VIT: variants seen among roughly 807,000 people sequenced by gnomAD.
VIT encodes vitrin.
Under a neutral mutation model 78.0 loss-of-function variants are expected in VIT, and 99 were observed. The ratio of observed to expected loss-of-function variants is 1.27; its 90% CI spans 1.08 to 1.50. VIT has a LOEUF of 1.50. VIT is among the 40% of genes most tolerant of loss of function. The probability of loss-of-function intolerance (pLI) is 0.00; values close to 1 mark genes in which losing one functional copy is unlikely to be tolerated. For missense variants in VIT, 1,126 were observed against 875.3 expected (o/e 1.29, Z -3.61); for synonymous variants, 374 against 334.3 (o/e 1.12, Z -1.29).
chr2:36,699,891 G>A (rs1664940808), intron 1 of VIT, among the ~76,000 whole-genome samples: 1 of 152,078 alleles, frequency 6.6e-6, no homozygotes, highest in Non-Finnish European at 1.5e-5. Flanking sequence ...CTTTTTCAAT[G>A]TGTTAACTTT....
chr2:36,785,398 C>T (rs906495764), intron 11 of VIT, among the ~76,000 whole-genome samples: 5 of 151,788 alleles, frequency 3.3e-5, no homozygotes, highest in Non-Finnish European at 7.4e-5. Flanking sequence ...CTGCAAGCCC[C>T]GCCAGAAAAA....
At chr2:36,737,253 A>G (rs1667563109) in intron 3 of VIT, among the ~76,000 whole-genome samples, 1 of 152,236 alleles carries the variant, frequency 6.6e-6, no homozygotes, top group African/African-American at 2.4e-5. Flanking sequence ...GGATGAGGTC[A>G]GGAAGCAGTG....
intron 7 of VIT, 144 bp from the exon 8 acceptor site, chr2:36,773,647 C>A (rs1669884183): frequency 3.5e-6 from 2 of 570,346 alleles, no homozygotes; most frequent in Non-Finnish European, 5.3e-6. Flanking sequence ...GGGAGAATCG[C>A]TTGAACCCGG....
rs772798413 is a variant in VIT at position 36,808,519 on chromosome 2, G to A, written c.1437G>A (p.Trp479Ter). Reference protein sequence around the residue: ...NGFYSLHVQSWFGLHKTLQPL... With the variant: ...NGFYSLHVQS The stretch of plus-strand genomic sequence containing the variant: ...TCTACTCGCTCCACGTGCAGAGCTG[G>A]TTTGGCCTCCACAAGACCCTGCAGC... The change falls in exon 15 of 16, where the codon TGG becomes TGA. Residue 479 changes from tryptophan (W) to a stop codon, truncating the protein, a stop_gained. Transcript: ENST00000379242. LOFTEE classifies it high-confidence loss of function. 1 of 1,613,750 alleles carries A rather than the reference G, an allele frequency of 6.2e-7. No individual in the cohort carries two copies. Among genetic ancestry groups the A allele is most frequent in the South Asian group, 1.1e-5 (1 of 91,086 alleles).
chr2:36,768,303 G>T (rs982190330), intron 7 of VIT, among the ~76,000 whole-genome samples: 2 of 152,046 alleles, frequency 1.3e-5, no homozygotes, highest in Non-Finnish European at 2.9e-5. Flanking sequence ...GTGGTGGCAC[G>T]TGCCTATAGT....
intron 5 of VIT, 80 bp from the exon 6 acceptor site, chr2:36,758,889 A>G: frequency 8.3e-7 from 1 of 1,211,008 alleles, no homozygotes; most frequent in East Asian, 2.3e-5. Context: ...AATTGAAAGG[A>G]CAGAATCAAC....
At chr2:36,718,731 G>A (rs1861388) in intron 2 of VIT, among the ~76,000 whole-genome samples, 123,175 of 152,032 alleles carry the variant, frequency 0.81, 50,261 homozygotes, top group East Asian at 0.89. Flanking sequence ...CCCTCCCCCA[G>A]CCACTGCTAT....
At chr2:36,782,406 C>A (rs1269349807) in intron 10 of VIT, among the ~76,000 whole-genome samples, 1 of 152,184 alleles carries the variant, frequency 6.6e-6, no homozygotes, top group African/African-American at 2.4e-5. Flanking sequence ...AGCTAGCTGA[C>A]CTTTAACGGA....
chr2:36,714,728 T>G (rs937856608), intron 1 of VIT, among the ~76,000 whole-genome samples: 1 of 152,220 alleles, frequency 6.6e-6, no homozygotes, highest in Non-Finnish European at 1.5e-5. Flanking sequence ...TTTACCTCCA[T>G]TCCAATCCTA....
At chr2:36,736,873 C>G (rs1369442944) in intron 3 of VIT, among the ~76,000 whole-genome samples, 2 of 152,148 alleles carry the variant, frequency 1.3e-5, no homozygotes, top group Non-Finnish European at 2.9e-5. Flanking sequence ...CCTGAAAAAC[C>G]TTTCATAAAG....
chr2:36,703,326 G>A (rs889501030), intron 1 of VIT, among the ~76,000 whole-genome samples: 1 of 152,126 alleles, frequency 6.6e-6, no homozygotes, highest in Admixed American at 6.6e-5. Context: ...CAGAAGAGGA[G>A]CAGGTGGCTC....
rs774756938 is a variant in VIT, at chr2:36,808,463, G to A, written c.1390-9G>A. The A allele has an allele frequency of 6.3e-7, 1 of 1,591,710 alleles. No individual in the cohort carries two copies. The highest frequency in any genetic ancestry group is 8.6e-7 in the Non-Finnish European group (1 of 1,163,964). ...GACGTGGCGTGGGTCCCTCCCCTCT[G>A]TCTTCTAGGCCGTGTGCAGAACAAA... On this transcript the variant is annotated splice_polypyrimidine_tract_variant and intron_variant, in intron 14 of 15. Coordinates refer to ENST00000379242, the MANE Select transcript of VIT (RefSeq NM_053276.4).
intron 3 of VIT, among the ~76,000 whole-genome samples, chr2:36,732,765 G>C (rs749904211): frequency 6.6e-6 from 1 of 152,176 alleles, no homozygotes; most frequent in Admixed American, 6.5e-5. Context: ...GTCCACATAA[G>C]TGCTAGGACA....
chr2:36,711,670 G>A (rs1372830473), intron 1 of VIT, among the ~76,000 whole-genome samples: 1 of 152,160 alleles, frequency 6.6e-6, no homozygotes, highest in Non-Finnish European at 1.5e-5. Context: ...CCAGGCTCTA[G>A]AAACTGAACA....
chr2:36,766,521 A>G (rs555803102), intron 6 of VIT, among the ~76,000 whole-genome samples: 1 of 152,220 alleles, frequency 6.6e-6, no homozygotes, highest in South Asian at 2.1e-4. Context: ...ACAGAGCAAG[A>G]TCCTGTCTCA....
intron 5 of VIT, among the ~76,000 whole-genome samples, chr2:36,756,459 A>G (rs1020855867): frequency 3.3e-5 from 5 of 152,168 alleles, no homozygotes; most frequent in African/African-American, 1.2e-4. Context: ...ATGTTTCATA[A>G]AACAGTAGGT....
Position 36,767,211 on chromosome 2 carries a change from G to C in VIT, c.605G>C (p.Arg202Thr), listed in dbSNP as rs1324329790. The change falls in exon 7 of 16, where the codon AGG (arginine) becomes ACG (threonine). Residue 202 changes from arginine to threonine, a missense_variant. Arg to Thr is a moderately conservative substitution (Grantham distance 71, BLOSUM62 -1). Coordinates refer to ENST00000379242, the MANE Select transcript of VIT (RefSeq NM_053276.4). ...VAVATPTTLPRPSPSAASTTS... is the reference protein window; with the variant it reads ...VAVATPTTLPTPSPSAASTTS... ...GTGGCCACCCCCACCACCTTGCCAA[G>C]GCCATCCCCTTCTGCTGCTTCTACC... 1 of 1,608,346 alleles carries C rather than the reference G, an allele frequency of 6.2e-7. No homozygotes were observed. Among genetic ancestry groups the C allele is most frequent in the Admixed American group, 1.7e-5 (1 of 58,908 alleles).
intron 12 of VIT, among the ~76,000 whole-genome samples, chr2:36,792,527 C>A (rs1020948034): frequency 5.9e-5 from 9 of 152,142 alleles, no homozygotes; most frequent in Admixed American, 5.2e-4. Flanking sequence ...TCCCTGAGAT[C>A]AGTCTCCCCG....
At chr2:36,793,971 G>A (rs1665682160) in intron 12 of VIT, among the ~76,000 whole-genome samples, 1 of 152,160 alleles carries the variant, frequency 6.6e-6, no homozygotes, top group Non-Finnish European at 1.5e-5. Context: ...TTCTTTCAAG[G>A]AGAGGAATGG....
Sources: gnomAD v4.1 joint callset for allele counts (sites outside exome capture counted in the v4.1 genomes callset) on GRCh38, gnomAD v4.1.1 for gene constraint, MANE v1.5 for transcripts, NCBI Gene and HGNC (gene_info 2026-07-23, HGNC 2026-07-21) for gene names.